The following GAS2L2 variants were observed in gnomAD, a reference collection of about 807,000 sequenced individuals.
GAS2L2 encodes the protein GAS2-like protein 2.
A neutral mutation model predicts 35.2 loss-of-function variants in GAS2L2; 21 were observed. The ratio of observed to expected loss-of-function variants is 0.60; its 90% CI spans 0.42 to 0.86. The LOEUF is 0.86. Among genes scored for constraint, GAS2L2 ranks in the 40% least tolerant of loss-of-function variants. The probability of loss-of-function intolerance (pLI) is 0.00; values close to 1 mark genes in which losing one functional copy is unlikely to be tolerated. For synonymous variants in GAS2L2, 490 were observed against 473.2 expected, an observed-to-expected ratio of 1.04 and a Z score of -0.46; for missense variants, 1,169 against 1,144.4, an observed-to-expected ratio of 1.02 and a Z score of -0.31.
In GAS2L2 at chr17:35,744,823, G is replaced by T. The variant is rs1555598536; in HGVS notation, c.*31C>A. The T allele has an allele frequency of 7.4e-6, 11 of 1,487,032 alleles. No individual in the cohort carries two copies. In the Admixed American group the frequency reaches 1.9e-4, roughly 26 times the overall value. 92.1% of individuals were successfully genotyped at this position (1,487,032 alleles called of 1,614,324 possible). Reference sequence around the variant, plus strand: ...CAGTGTATACATGGCCATCCTTTTTGCTTCCCTCCTACCCAACACGCTCAT... The same window carrying T: ...CAGTGTATACATGGCCATCCTTTTTTCTTCCCTCCTACCCAACACGCTCAT... On this transcript the variant is annotated 3_prime_UTR_variant, in exon 6 of 6. Coordinates refer to ENST00000604641, the MANE Select transcript of GAS2L2 (RefSeq NM_139285.4).
Position 35,745,195 on chromosome 17 carries a change from C to T in GAS2L2, c.2302G>A (p.Val768Ile), listed in dbSNP as rs991227913. 4 of 1,609,366 alleles carry T rather than the reference C, an allele frequency of 2.5e-6. No individual in the cohort carries two copies. The Admixed American group carries it at 5.0e-5, about 20-fold the overall frequency. Residue 768 changes from valine (V) to isoleucine (I), a missense_variant, in exon 6 of 6, where the codon GTC (valine) becomes ATC (isoleucine). By Grantham distance (29) the Val-to-Ile change is conservative (BLOSUM62 3). Around this residue, in one of 3 missense-constraint regions of GAS2L2, gnomAD observed 1,035 missense variants for 976.5 expected, o/e 1.06. Transcript: ENST00000604641. ...GRRTLRKPKRVPSIYKLKLRP... is the reference protein window; with the variant it reads ...GRRTLRKPKRIPSIYKLKLRP... The stretch of plus-strand genomic sequence containing the variant: ...AGCTTCAGCTTGTAGATGGACGGGA[C>T]CCTCTTGGGCTTCCGGAGAGTTCTC...
rs782103247 is a variant in GAS2L2 at position 35,752,764 on chromosome 17, C to T, written c.87G>A (p.Gln29=). 1 of 1,613,916 alleles carries T rather than the reference C, an allele frequency of 6.2e-7. No individual in the cohort carries two copies. Among genetic ancestry groups the T allele is most frequent in the Non-Finnish European group, 8.5e-7 (1 of 1,180,032 alleles). Residue 29 remains glutamine (Q), a synonymous_variant, in exon 1 of 6, where the codon CAG becomes CAA. Coordinates refer to ENST00000604641, the MANE Select transcript of GAS2L2 (RefSeq NM_139285.4). ...GGTCTTCCTTCATGGCCTCCAGGTA[C>T]TGCTCACTCGACTTGAAAGGCCGGA... is the stretch of plus-strand genomic sequence containing the variant. ...CSIRPFKSSE[Q]YLEAMKEDLA...
In GAS2L2 at chr17:35,745,632, G is replaced by A. The variant is rs782029559; in HGVS notation, c.1865C>T (p.Pro622Leu). Reference sequence around the variant, plus strand: ...GATGACCCCAGACCTTGTGCCCTGCGGACAGGCACTCCTGACTTCTAGCAG... The same window carrying A: ...GATGACCCCAGACCTTGTGCCCTGCAGACAGGCACTCCTGACTTCTAGCAG... ...MKLLEVRSAC[P>L]QGTRSGVIPR... The change falls in exon 6 of 6, where the codon CCG becomes CTG. Residue 622 changes from proline to leucine, a missense_variant. Pro to Leu is a moderately conservative substitution (Grantham distance 98). Coordinates refer to ENST00000604641, the MANE Select transcript of GAS2L2 (RefSeq NM_139285.4). 21 of 1,613,780 alleles carry A rather than the reference G, an allele frequency of 1.3e-5. No individual in the cohort carries two copies. Among genetic ancestry groups the A allele is most frequent in the South Asian group, 5.5e-5 (5 of 91,088 alleles).
intron 2 of GAS2L2, 92 bp from the exon 3 acceptor site, chr17:35,749,309 C>G (rs2085689007): frequency 4.1e-6 from 3 of 732,038 alleles, no homozygotes; most frequent in Non-Finnish European, 6.9e-6. Context: ...CCTGAGGTTT[C>G]TGCTGAGGTC....
At position 35,745,431 on chromosome 17, in the gene GAS2L2, G is replaced by A. The variant is rs587679546; in HGVS notation, c.2066C>T (p.Pro689Leu). The change falls in exon 6 of 6, where the codon CCG (proline) becomes CTG (leucine). Residue 689 changes from proline to leucine, a missense_variant. Pro to Leu is a moderately conservative substitution (Grantham distance 98). Transcript: ENST00000604641. The stretch of plus-strand genomic sequence containing the variant: ...TCCCAACTTCCCTTTGAGGCTTCCC[G>A]GTCCTGGGGTAACAGCTGGCTTAGG... ...GSPKPAVTPG[P>L]GSLKGKLGAR... is the part of the protein sequence containing the mutation. The A allele has an allele frequency of 1.9e-4, 291 of 1,572,332 alleles. 1 individual carries two copies. Among genetic ancestry groups the A allele is most frequent in the South Asian group, 2.8e-4 (24 of 84,552 alleles).
chr17:35,747,097 G>A lies in GAS2L2; in HGVS notation c.1004C>T (p.Pro335Leu), dbSNP rs1237647329. The change falls in exon 5 of 6, where the codon CCC becomes CTC. Residue 335 changes from proline to leucine, a missense_variant. Physicochemically the swap from Pro to Leu is moderately conservative, Grantham distance 98. This residue lies in a region of GAS2L2 where 1,035 missense variants were observed against 976.5 expected (regional missense o/e 1.06). Coordinates refer to ENST00000604641, the MANE Select transcript of GAS2L2 (RefSeq NM_139285.4). ...TYTSSDRRLRPPTPSSPRPRR... is the reference protein window; with the variant it reads ...TYTSSDRRLRLPTPSSPRPRR... ...GGGTCTGGGGGAGGATGGGGTGGGGGGCCTCAGCCTTCGGTCTGAAGAGGT... is the reference window on the plus strand; with the variant it reads ...GGGTCTGGGGGAGGATGGGGTGGGGAGCCTCAGCCTTCGGTCTGAAGAGGT... 10 of 1,611,916 alleles carry A rather than the reference G, an allele frequency of 6.2e-6. No homozygotes were observed. Among genetic ancestry groups the A allele is most frequent in the East Asian group, 2.2e-5 (1 of 44,884 alleles).
rs1555599246 is a variant in GAS2L2 at position 35,747,855 on chromosome 17, A to T, written c.826T>A (p.Ser276Thr). The T allele has an allele frequency of 2.2e-5, 35 of 1,613,632 alleles. No homozygotes were observed. The highest frequency in any genetic ancestry group is 2.7e-5 in the Non-Finnish European group (32 of 1,179,686). Residue 276 changes from serine (S) to threonine (T), a missense_variant, in exon 4 of 6, where the codon TCC becomes ACC. Ser to Thr is a moderately conservative substitution (Grantham distance 58). Around this residue, in one of 3 missense-constraint regions of GAS2L2, gnomAD observed 1,035 missense variants for 976.5 expected, o/e 1.06. Coordinates refer to ENST00000604641, the MANE Select transcript of GAS2L2 (RefSeq NM_139285.4). ...GGGCCCTCAGGGGACTCACAGAGGGATGTGCAGCGGCAGGGGTCATGTTTG... is the reference window on the plus strand; with the variant it reads ...GGGCCCTCAGGGGACTCACAGAGGGTTGTGCAGCGGCAGGGGTCATGTTTG... ...LDKHDPCRCT[S>T]LSHKPGSFLK...
Position 35,745,027 on chromosome 17 carries a change from C to G in GAS2L2, c.2470G>C (p.Gly824Arg), listed in dbSNP as rs782582514. The G allele has an allele frequency of 6.2e-7, 1 of 1,614,062 alleles. No homozygotes were observed. The highest frequency in any genetic ancestry group is 1.1e-5 in the South Asian group (1 of 91,082). ...CCATCCACCCGGGATGCCTCCCCTC[C>G]CTTGCTGCCCAGCACAGCTCTCAAC... ...RLLRAVLGSK[G>R]GEASRVDGAS... The change falls in exon 6 of 6, where the codon GGA becomes CGA. Residue 824 changes from glycine (G) to arginine (R), a missense_variant. Around this residue, in one of 3 missense-constraint regions of GAS2L2, gnomAD observed 1,035 missense variants for 976.5 expected, o/e 1.06. Transcript: ENST00000604641.
At chr17:35,746,492 A>C in intron 5 of GAS2L2, 81 bp from the exon 6 acceptor site, 1 of 943,968 alleles carries the variant, frequency 1.1e-6, no homozygotes, top group African/African-American at 1.7e-5. Context: ...GGCTTTGGGA[A>C]GTGACAGTCT....
rs199999064 is a variant in GAS2L2, at chr17:35,752,458, G to T, written c.385+8C>A. ...TCTGGAATGGGGACGAGGGTGCAGCGTGGTTACCTTGGATGCCCATCTCCT... is the reference window on the plus strand; with the variant it reads ...TCTGGAATGGGGACGAGGGTGCAGCTTGGTTACCTTGGATGCCCATCTCCT... On this transcript the variant is annotated splice_region_variant and intron_variant, in intron 1 of 5. Coordinates refer to ENST00000604641, the MANE Select transcript of GAS2L2 (RefSeq NM_139285.4). The T allele has an allele frequency of 6.4e-7, 1 of 1,568,006 alleles. No homozygotes were observed. The highest frequency in any genetic ancestry group is 2.3e-5 in the East Asian group (1 of 44,128).
intron 3 of GAS2L2, among the ~76,000 whole-genome samples, chr17:35,748,226 T>C (rs2143021879): frequency 6.6e-6 from 1 of 152,164 alleles, no homozygotes; most frequent in Non-Finnish European, 1.5e-5. Context: ...CTGTAAACGG[T>C]TTTGCATCTG....
At chr17:35,747,331 A>G (rs1195076281) in intron 4 of GAS2L2, 63 bp from the exon 5 acceptor site, 1 of 1,508,244 alleles carries the variant, frequency 6.6e-7, no homozygotes, top group Non-Finnish European at 8.9e-7. Flanking sequence ...AATGGGGACC[A>G]TTGTTCCTCC....
rs2143021287 is a variant in GAS2L2 at position 35,745,107 on chromosome 17, C to T, written c.2390G>A (p.Arg797Lys). ...ACCCAGGAAGACATAGGCCAGTGGC[C>T]TGGGGATTCGTGAAGGCTGCTTCTC... ...RPEKQPSRIP[R>K]PLAYVFLGPA... Residue 797 changes from arginine to lysine, a missense_variant, in exon 6 of 6, where the codon AGG (arginine) becomes AAG (lysine). Transcript: ENST00000604641. The T allele has an allele frequency of 6.2e-7, 1 of 1,613,424 alleles. No homozygotes were observed. The highest frequency in any genetic ancestry group is 8.5e-7 in the Non-Finnish European group (1 of 1,179,648).
intron 1 of GAS2L2, 87 bp from the exon 2 acceptor site, chr17:35,750,405 A>G: frequency 6.4e-7 from 1 of 1,559,684 alleles, no homozygotes; most frequent in Non-Finnish European, 8.8e-7. Context: ...GCGGGGAGGA[A>G]AGCACTGGGG....
chr17:35,751,327 T>TC (rs1327598735), intron 1 of GAS2L2, among the ~76,000 whole-genome samples: 1 of 151,938 alleles, frequency 6.6e-6, no homozygotes, highest in Non-Finnish European at 1.5e-5. Context: ...GCCCCTGTCA[T>TC]CCCCCCTGCT....
In GAS2L2 at chr17:35,747,255, G is replaced by A. The variant is rs587721675; in HGVS notation, c.846C>T (p.Gly282=). 2 of 1,611,168 alleles carry A rather than the reference G, an allele frequency of 1.2e-6. No individual in the cohort carries two copies. The highest frequency in any genetic ancestry group is 4.5e-5 in the East Asian group (2 of 44,836). The part of the protein sequence containing the change: ...CRCTSLSHKP[G]SFLKPPAPPV... ...GTGGGGCCGGGGGCTTCAGGAAGCT[G>A]CCTGGCTTGTGTGCTACCAACAGTC... Residue 282 remains glycine (G), a synonymous_variant, in exon 5 of 6, where the codon GGC becomes GGT. Transcript: ENST00000604641.
chr17:35,746,914 A>G (rs1363186076), intron 5 of GAS2L2, 102 bp downstream of exon 5: 12 of 1,220,658 alleles, frequency 9.8e-6, no homozygotes, highest in Non-Finnish European at 1.3e-5. Context: ...CTCGGGGTAG[A>G]GGCACTGCCG....
Position 35,744,707 on chromosome 17 carries a change from A to G in GAS2L2, c.*147T>C, listed in dbSNP as rs1451501579. 3.1e-6 allele frequency: 2 copies of G among 655,118 alleles called. No individual in the cohort carries two copies. Among genetic ancestry groups the G allele is most frequent in the African/African-American group, 3.6e-5 (2 of 54,834 alleles). The allele number at this position is 655,118 out of a possible 1,614,324, so 40.6% of individuals were successfully genotyped here. The stretch of plus-strand genomic sequence containing the variant: ...GTTGCCCCTTTGCTCAGATGAGCAG[A>G]TGGAGTCTATATTTGTCTTCTGACC... On this transcript the variant is annotated 3_prime_UTR_variant, in exon 6 of 6. Coordinates refer to ENST00000604641, the MANE Select transcript of GAS2L2 (RefSeq NM_139285.4).
chr17:35,747,653 C>T lies in GAS2L2; in HGVS notation c.832+196G>A, dbSNP rs116592498. ...AAATGCTGCTTCTGCGTGTGTTGCC[C>T]GCCATCTTGTGGCGACATTTAGTAC... On this transcript the variant is annotated intron_variant, in intron 4 of 5. Transcript: ENST00000604641. Among the ~76,000 whole-genome samples the T allele has an allele frequency of 8.3e-3, 1,258 of 152,196 alleles. 22 individuals are homozygous for T. Among genetic ancestry groups the T allele is most frequent in the African/African-American group, 0.029 (1,213 of 41,492 alleles).
Sources: gnomAD v4.1 joint callset for allele counts (sites outside exome capture counted in the v4.1 genomes callset) on GRCh38, gnomAD v4.1.1 for gene constraint, gnomAD v4.1.1 regional missense constraint, MANE v1.5 for transcripts, NCBI Gene and HGNC (gene_info 2026-07-23, HGNC 2026-07-21) for gene names.